The following FBXO34 variants were observed in gnomAD, a reference collection of about 807,000 sequenced individuals.
FBXO34 encodes the protein F-box protein 34, also known as F-box only protein 34.
Under a neutral mutation model 24.5 loss-of-function variants are expected in FBXO34, and 12 were observed. The observed-to-expected ratio is 0.49, with a 90% CI of 0.31 to 0.79. The LOEUF (loss-of-function observed/expected upper bound fraction) is 0.79, where lower values mean the gene tolerates loss of function less well. FBXO34 is among the 30% of genes least tolerant of loss of function. The pLI is 0.04. For missense variants in FBXO34, 823 were observed against 857.7 expected, an observed-to-expected ratio of 0.96 and a Z score of 0.51; for synonymous variants, 320 against 311.9, an observed-to-expected ratio of 1.03 and a Z score of -0.27.
At chr14:55,293,176 C>T (rs557300790) in intron 1 of FBXO34, among the ~76,000 whole-genome samples, 2 of 152,174 alleles carry the variant, frequency 1.3e-5, no homozygotes, top group African/African-American at 4.8e-5. Context: ...AGCCACCCCG[C>T]ACCCGGCCTT....
chr14:55,370,532 C>G (rs1444609288), downstream of FBXO34, among the ~76,000 whole-genome samples: 2 of 152,106 alleles, frequency 1.3e-5, no homozygotes, highest in Non-Finnish European at 2.9e-5. Flanking sequence ...TCAAAGGTCC[C>G]TAATAACACC....
downstream of FBXO34, among the ~76,000 whole-genome samples, chr14:55,372,391 CCTT>C (rs1223451474): frequency 6.6e-6 from 1 of 152,116 alleles, no homozygotes; most frequent in Non-Finnish European, 1.5e-5. Flanking sequence ...TGGGCTCCCT[CCTT>C]TACTAAACCA....
At chr14:55,308,273 G>T (rs1429139036) in intron 1 of FBXO34, among the ~76,000 whole-genome samples, 1 of 152,170 alleles carries the variant, frequency 6.6e-6, no homozygotes, top group Non-Finnish European at 1.5e-5. Context: ...CATTTGAAGA[G>T]ACTTATTACT....
chr14:55,424,618 A>C, the FBXO34 span, among the ~76,000 whole-genome samples: 3 of 152,204 alleles, frequency 2.0e-5, no homozygotes, highest in African/African-American at 2.4e-5. Flanking sequence ...TGGGTTTCCA[A>C]ATTCTCCAAT....
At chr14:55,281,985 A>T (rs67822108) in intron 1 of FBXO34, among the ~76,000 whole-genome samples, 13 of 129,556 alleles carry the variant, frequency 1.0e-4, no homozygotes, top group East Asian at 4.4e-4. Flanking sequence ...TCATTTTTAA[A>T]TTTAGCTTTT....
At chr14:55,442,082 G>A in the FBXO34 span, among the ~76,000 whole-genome samples, 1 of 151,210 alleles carries the variant, frequency 6.6e-6, no homozygotes, top group East Asian at 2.0e-4. Context: ...CACTTTTTAT[G>A]TAAGATACGT....
chr14:55,323,227 T>TATATATATA (rs1566555916), intron 1 of FBXO34, among the ~76,000 whole-genome samples: 1 of 14,780 alleles, frequency 6.8e-5, no homozygotes, highest in Admixed American at 8.7e-4. Context: ...AAATATATAT[T>TATATATATA]TTTTTTTTTT....
chr14:55,382,002 G>A, the FBXO34 span: 1 of 1,614,190 alleles, frequency 6.2e-7, no homozygotes, highest in South Asian at 1.1e-5. Context: ...CCCAGCTGTA[G>A]TAGGCAGAGT....
chr14:55,367,864 C>CA (rs1884716882), exon 3 of FBXO34: 1 of 152,246 alleles, frequency 6.6e-6, no homozygotes, highest in Non-Finnish European at 1.5e-5. Context: ...CAACTCTACC[C>CA]AAAACTATAC....
chr14:55,394,355 C>T, the FBXO34 span, among the ~76,000 whole-genome samples: 5 of 152,098 alleles, frequency 3.3e-5, no homozygotes, highest in African/African-American at 7.2e-5. Context: ...AAGATCAGTA[C>T]ACAGACATTT....
chr14:55,369,604 T>G, downstream of FBXO34: 1 of 1,495,560 alleles, frequency 6.7e-7, no homozygotes, highest in South Asian at 1.4e-5. Flanking sequence ...TTTGGTATGT[T>G]TTGGTCCATG....
At chr14:55,279,683 G>A (rs1274471072) in intron 1 of FBXO34, among the ~76,000 whole-genome samples, 1 of 152,138 alleles carries the variant, frequency 6.6e-6, no homozygotes, top group Non-Finnish European at 1.5e-5. Context: ...GGGTTATGTT[G>A]TCATTTCTGA....
the FBXO34 span, among the ~76,000 whole-genome samples, chr14:55,415,904 A>G: frequency 1.3e-5 from 2 of 152,212 alleles, no homozygotes; most frequent in Admixed American, 6.5e-5. Flanking sequence ...ACAATAGAAT[A>G]TTAGTCATAA....
intron 1 of FBXO34, among the ~76,000 whole-genome samples, chr14:55,341,267 C>G (rs1056259183): frequency 3.3e-5 from 5 of 152,180 alleles, no homozygotes; most frequent in African/African-American, 1.2e-4. Context: ...GATCAGACAT[C>G]ACCTGGGGGA....
chr14:55,342,439 T>G (rs962870612), intron 1 of FBXO34, among the ~76,000 whole-genome samples: 4 of 152,162 alleles, frequency 2.6e-5, no homozygotes, highest in Non-Finnish European at 5.9e-5. Context: ...TCCCTAAAAA[T>G]AAAAGGGAGT....
chr14:55,366,905 A>G (rs1220561043), downstream of FBXO34: 1 of 152,664 alleles, frequency 6.6e-6, no homozygotes, highest in African/African-American at 2.4e-5. Context: ...TGTATACTTA[A>G]GAGTATTTAC....
chr14:55,439,407 G>A, the FBXO34 span, among the ~76,000 whole-genome samples: 2 of 152,096 alleles, frequency 1.3e-5, no homozygotes, highest in South Asian at 4.2e-4. Flanking sequence ...GGGGACAGGG[G>A]CTCTCTGTTT....
chr14:55,423,929 AT>A, the FBXO34 span, among the ~76,000 whole-genome samples: 1 of 152,256 alleles, frequency 6.6e-6, no homozygotes. Flanking sequence ...CTGTAAAAAA[AT>A]CAGGATGTAA....
At chr14:55,434,879 A>G in the FBXO34 span, among the ~76,000 whole-genome samples, 1 of 152,114 alleles carries the variant, frequency 6.6e-6, no homozygotes. Context: ...ATCCTCCACC[A>G]CCTAAGCCAG....
Sources: gnomAD v4.1 joint callset for allele counts (sites outside exome capture counted in the v4.1 genomes callset) on GRCh38, gnomAD v4.1.1 for gene constraint, MANE v1.5 for transcripts, NCBI Gene and HGNC (gene_info 2026-07-23, HGNC 2026-07-21) for gene names.